MTRES1: variants seen among roughly 807,000 people sequenced by gnomAD.
The protein encoded by MTRES1 is uncharacterized protein C6orf203.
A neutral mutation model predicts 17.4 loss-of-function variants in MTRES1; 11 were observed. The observed-to-expected ratio is 0.63, with a 90% confidence interval of 0.40 to 1.05. The LOEUF (loss-of-function observed/expected upper bound fraction) is 1.05, where lower values mean the gene tolerates loss of function less well. Ranked by LOEUF, MTRES1 falls within the 50% of genes least tolerant of loss-of-function variation. The pLI, the probability that MTRES1 is intolerant of heterozygous loss-of-function variation, is 0.00. For missense variants in MTRES1, 268 were observed against 276.2 expected (o/e 0.97, Z 0.21); for synonymous variants, 94 against 99.6 (o/e 0.94, Z 0.34).
In MTRES1 at chr6:107,034,544, G is replaced by A. The variant is rs117740804; in HGVS notation, c.-12-5205G>A. On this transcript the variant is annotated intron_variant, in intron 1 of 3. Transcript: ENST00000311381. ...GAACACTGATGGACAGTTCAGCATG[G>A]TAGTAATGAGTCTAGGCTTTGCAGC... is the stretch of plus-strand genomic sequence containing the variant. Among the ~76,000 whole-genome samples, 570 of 152,248 alleles carry A rather than the reference G, an allele frequency of 3.7e-3. 5 individuals carry two copies. In the East Asian group the frequency reaches 0.04, roughly 11 times the overall value.
intron 1 of MTRES1, among the ~76,000 whole-genome samples, chr6:107,031,252 C>T (rs1554226371): frequency 2.0e-5 from 3 of 151,134 alleles, no homozygotes; most frequent in Non-Finnish European, 2.9e-5. Context: ...TGGTGGTGGG[C>T]GCCTGTAATC....
At chr6:107,037,866 A>C (rs1367089842) in intron 1 of MTRES1, among the ~76,000 whole-genome samples, 3 of 151,790 alleles carry the variant, frequency 2.0e-5, no homozygotes, top group African/African-American at 7.3e-5. Context: ...TTATAGGCGT[A>C]TGCCACCACA....
intron 3 of MTRES1, among the ~76,000 whole-genome samples, chr6:107,046,933 TG>T (rs68082487): frequency 0.05 from 7,370 of 146,834 alleles, 332 homozygotes; most frequent in African/African-American, 0.11. Flanking sequence ...TTCATTCTTG[TG>T]TGTGTGTGTG....
intron 1 of MTRES1, among the ~76,000 whole-genome samples, chr6:107,037,768 G>T (rs1554227090): frequency 6.6e-6 from 1 of 152,058 alleles, no homozygotes; most frequent in African/African-American, 2.4e-5. Flanking sequence ...GCCCAGGCTG[G>T]AGTGCAGTGG....
chr6:107,045,788 A>G (rs73761793), intron 3 of MTRES1, among the ~76,000 whole-genome samples: 236 of 152,382 alleles, frequency 1.5e-3, no homozygotes, highest in African/African-American at 5.3e-3. Context: ...AATCTAACTC[A>G]GTGTTCAGGG....
intron 3 of MTRES1, among the ~76,000 whole-genome samples, chr6:107,046,595 CA>C (rs1179803894): frequency 4.6e-5 from 7 of 152,160 alleles, no homozygotes; most frequent in African/African-American, 1.7e-4. Context: ...TGCTGAGGGA[CA>C]GGGGCCGTGG....
At chr6:107,033,230 T>C (rs940193783) in intron 1 of MTRES1, among the ~76,000 whole-genome samples, 6 of 152,062 alleles carry the variant, frequency 3.9e-5, no homozygotes, top group African/African-American at 7.2e-5. Flanking sequence ...ATTTGTGACT[T>C]AATTCAAAAG....
intron 1 of MTRES1, among the ~76,000 whole-genome samples, chr6:107,029,191 A>AT (rs35093769): frequency 0.28 from 27,670 of 98,694 alleles, 3,755 homozygotes; most frequent in East Asian, 0.5. Context: ...ACACCCGGCT[A>AT]TTTTTTTTTT....
chr6:107,044,504 A>G (rs1217981690), intron 3 of MTRES1, among the ~76,000 whole-genome samples, 172 bp downstream of exon 3: 4 of 152,134 alleles, frequency 2.6e-5, no homozygotes, highest in African/African-American at 7.2e-5. Flanking sequence ...ACACACAGGC[A>G]CTTTCACTTT....
intron 1 of MTRES1, among the ~76,000 whole-genome samples, chr6:107,036,199 A>G (rs1201153491): frequency 3.3e-5 from 5 of 152,310 alleles, no homozygotes; most frequent in Admixed American, 3.3e-4. Flanking sequence ...AGTGAGAAAA[A>G]TAAATGACAA....
At chr6:107,049,817 G>A (rs1434182168) in intron 3 of MTRES1, among the ~76,000 whole-genome samples, 1 of 151,026 alleles carries the variant, frequency 6.6e-6, no homozygotes, top group African/African-American at 2.4e-5. Context: ...TGCCTCCTGG[G>A]TTCAAGTGAT....
At chr6:107,046,121 T>C (rs1035288291) in intron 3 of MTRES1, among the ~76,000 whole-genome samples, 2 of 152,208 alleles carry the variant, frequency 1.3e-5, no homozygotes, top group Non-Finnish European at 2.9e-5. Flanking sequence ...TGGCTGGCTG[T>C]CAGCAGCTAT....
chr6:107,045,869 C>A (rs1554228329), intron 3 of MTRES1, among the ~76,000 whole-genome samples: 1 of 152,194 alleles, frequency 6.6e-6, no homozygotes, highest in Admixed American at 6.5e-5. Context: ...TTTCAAAATA[C>A]CCCTGGGGTT....
Position 107,045,933 on chromosome 6 carries a change from G to A in MTRES1, c.543+1601G>A, listed in dbSNP as rs553339829. Among the ~76,000 whole-genome samples, 74 of 152,320 alleles carry A rather than the reference G, an allele frequency of 4.9e-4. 1 individual carries two copies. Among genetic ancestry groups the A allele is most frequent in the African/African-American group, 1.7e-3 (71 of 41,576 alleles). On this transcript the variant is annotated intron_variant, in intron 3 of 3. Coordinates refer to ENST00000311381, the MANE Select transcript of MTRES1 (RefSeq NM_016487.5). The stretch of plus-strand genomic sequence containing the variant: ...TAGGACATGGGAAATTGAGGCTGTC[G>A]GCTGTCAGCCGTGCATTTGGGTGAG...
chr6:107,045,399 G>A (rs1482219390), intron 3 of MTRES1, among the ~76,000 whole-genome samples: 1 of 151,908 alleles, frequency 6.6e-6, no homozygotes, highest in African/African-American at 2.4e-5. Flanking sequence ...CAGGAGAATG[G>A]CATGAACCTG....
chr6:107,037,884 A>G (rs2114951254), intron 1 of MTRES1, among the ~76,000 whole-genome samples: 1 of 151,944 alleles, frequency 6.6e-6, no homozygotes, highest in Non-Finnish European at 1.5e-5. Flanking sequence ...ACACCCGGCT[A>G]ATTTTTGTAT....
chr6:107,030,142 G>A (rs1450908381), intron 1 of MTRES1: 3 of 718,438 alleles, frequency 4.2e-6, no homozygotes, highest in Non-Finnish European at 7.8e-6. Context: ...TGCCAGTGTT[G>A]CTGAAGCTGA....
rs566734353 is a variant in MTRES1 at position 107,045,042 on chromosome 6, G to A, written c.543+710G>A. On this transcript the variant is annotated intron_variant, in intron 3 of 3. Coordinates refer to ENST00000311381, the MANE Select transcript of MTRES1 (RefSeq NM_016487.5). ...TCTCTACAAAAAATACAAAAAATTA[G>A]CCAGGCGTGGTGGCAGGCGCTTGTC... 5.3e-5 allele frequency among the ~76,000 whole-genome samples: 8 copies of A among 152,064 alleles called. No homozygotes were observed. The East Asian group carries it at 1.2e-3, about 22-fold the overall frequency.
At position 107,051,254 on chromosome 6, in the gene MTRES1, A is replaced by C; in HGVS notation, c.*18A>C. Reference sequence around the variant, plus strand: ...CTAAATAAATGGATTGCTTTTTAGCAATAGAGCTGCTTTCTAGTGGTAAAG... The same window carrying C: ...CTAAATAAATGGATTGCTTTTTAGCCATAGAGCTGCTTTCTAGTGGTAAAG... On this transcript the variant is annotated 3_prime_UTR_variant, in exon 4 of 4. Transcript: ENST00000311381. 6.3e-7 allele frequency: 1 copy of C among 1,599,286 alleles called. No individual in the cohort carries two copies. The highest frequency in any genetic ancestry group is 8.5e-7 in the Non-Finnish European group (1 of 1,171,542).
Sources: gnomAD v4.1 joint callset for allele counts (sites outside exome capture counted in the v4.1 genomes callset) on GRCh38, gnomAD v4.1.1 for gene constraint, MANE v1.5 for transcripts, NCBI Gene and HGNC (gene_info 2026-07-23, HGNC 2026-07-21) for gene names.